Variants in RPH3A observed in about 807,000 individuals in gnomAD.
The protein encoded by RPH3A is rabphilin 3A, also known as rabphilin-3A.
In RPH3A, 48 loss-of-function variants were observed where a neutral mutation model predicts 102.2. That is an observed-to-expected ratio of 0.47 (90% confidence interval 0.37 to 0.60). RPH3A has a LOEUF of 0.60. RPH3A is among the 20% of genes least tolerant of loss of function. The pLI is 0.00. For missense variants in RPH3A, 781 were observed against 910.1 expected (o/e 0.86, Z 1.83); for synonymous variants, 310 against 324.3 (o/e 0.96, Z 0.47).
At chr12:112,776,142 A>G (rs2040963910) in intron 1 of RPH3A, among the ~76,000 whole-genome samples, 1 of 152,242 alleles carries the variant, frequency 6.6e-6, no homozygotes, top group Non-Finnish European at 1.5e-5. Flanking sequence ...CTTGGTTTCC[A>G]AATCATTTAA....
At chr12:112,852,927 G>A (rs1316734876) in intron 5 of RPH3A, among the ~76,000 whole-genome samples, 1 of 152,194 alleles carries the variant, frequency 6.6e-6, no homozygotes, top group Non-Finnish European at 1.5e-5. Flanking sequence ...GGGACTGGCA[G>A]TTGGGTGGCT....
At chr12:112,809,118 A>G (rs986406148) in intron 2 of RPH3A, among the ~76,000 whole-genome samples, 1 of 152,140 alleles carries the variant, frequency 6.6e-6, no homozygotes, top group African/African-American at 2.4e-5. Flanking sequence ...ACAGATCCTC[A>G]ATGTTGGCAT....
chr12:112,747,327 G>A (rs761481435), intron 1 of RPH3A, among the ~76,000 whole-genome samples: 5 of 152,132 alleles, frequency 3.3e-5, no homozygotes, highest in African/African-American at 7.2e-5. Flanking sequence ...ACCATGTGAG[G>A]ACACAGTGAA....
chr12:112,765,158 T>C (rs2040879520), intron 1 of RPH3A, among the ~76,000 whole-genome samples: 1 of 152,012 alleles, frequency 6.6e-6, no homozygotes, highest in Non-Finnish European at 1.5e-5. Context: ...TGGTCCCAGC[T>C]GGTCGTGGGG....
chr12:112,789,793 TACC>T (rs557658633), upstream of RPH3A, among the ~76,000 whole-genome samples: 488 of 147,084 alleles, frequency 3.3e-3, 5 homozygotes, highest in African/African-American at 0.011. Context: ...TGACAATTAC[TACC>T]ACCACCACCA....
chr12:112,841,057 G>A (rs1003480061), intron 4 of RPH3A, among the ~76,000 whole-genome samples: 2 of 150,946 alleles, frequency 1.3e-5, no homozygotes, highest in Non-Finnish European at 2.9e-5. Context: ...ATGAAGCCCT[G>A]TTAAGCTTGG....
intron 4 of RPH3A, among the ~76,000 whole-genome samples, chr12:112,842,697 C>T (rs755344949): frequency 3.9e-5 from 6 of 152,198 alleles, no homozygotes; most frequent in African/African-American, 7.2e-5. Context: ...ATGTGGAGTA[C>T]GTATCAGTTT....
intron 13 of RPH3A, among the ~76,000 whole-genome samples, chr12:112,877,387 G>A (rs923438400): frequency 1.4e-5 from 2 of 143,520 alleles, no homozygotes; most frequent in African/African-American, 5.5e-5. Flanking sequence ...AAGTCCCAGG[G>A]ATACGCACAC....
At chr12:112,812,638 A>G (rs1253218492) in intron 2 of RPH3A, among the ~76,000 whole-genome samples, 1 of 152,146 alleles carries the variant, frequency 6.6e-6, no homozygotes, top group Non-Finnish European at 1.5e-5. Context: ...CCCAGCTTGT[A>G]GAAAGTGTGT....
At chr12:112,621,523 G>C (rs1389475522) in intron 1 of RPH3A, among the ~76,000 whole-genome samples, 72 of 147,132 alleles carry the variant, frequency 4.9e-4, no homozygotes, top group Non-Finnish European at 8.9e-4. Context: ...GGCGCACCAC[G>C]AGACTATATC....
chr12:112,586,037 C>A (rs1414640008), intron 1 of RPH3A, among the ~76,000 whole-genome samples: 7 of 152,188 alleles, frequency 4.6e-5, no homozygotes, highest in Non-Finnish European at 5.9e-5. Flanking sequence ...CATATGATTA[C>A]TTTTCATATG....
chr12:112,883,798 G>T (rs1471350583), intron 16 of RPH3A, among the ~76,000 whole-genome samples: 1 of 152,154 alleles, frequency 6.6e-6, no homozygotes, highest in Non-Finnish European at 1.5e-5. Context: ...CTTCTACAGT[G>T]TTGAATTATT....
chr12:112,628,761 A>G (rs1024324200), intron 1 of RPH3A, among the ~76,000 whole-genome samples: 4 of 151,792 alleles, frequency 2.6e-5, no homozygotes, highest in Non-Finnish European at 5.9e-5. Flanking sequence ...ATTACAAAAA[A>G]CAAACAGAAG....
At chr12:112,814,309 A>C (rs548041517) in intron 2 of RPH3A, among the ~76,000 whole-genome samples, 1 of 152,174 alleles carries the variant, frequency 6.6e-6, no homozygotes, top group African/African-American at 2.4e-5. Context: ...AACCACATAT[A>C]AGAGAGAAGA....
intron 1 of RPH3A, among the ~76,000 whole-genome samples, chr12:112,581,321 A>G (rs905197933): frequency 6.6e-6 from 1 of 152,152 alleles, no homozygotes; most frequent in Non-Finnish European, 1.5e-5. Context: ...TTATAAAACC[A>G]TCAGACCTCG....
intron 1 of RPH3A, among the ~76,000 whole-genome samples, chr12:112,745,034 C>T (rs1040489583): frequency 6.6e-6 from 1 of 152,184 alleles, no homozygotes; most frequent in East Asian, 1.9e-4. Flanking sequence ...AGATCTAATC[C>T]AGGATTGTGC....
chr12:112,726,115 G>A (rs1406601920), intron 1 of RPH3A, among the ~76,000 whole-genome samples: 1 of 150,770 alleles, frequency 6.6e-6, no homozygotes, highest in East Asian at 2.0e-4. Flanking sequence ...GGGGGGTGGG[G>A]GGTGTACTGG....
In RPH3A at chr12:112,893,438, A is replaced by G. The variant is rs1366130452; in HGVS notation, c.1776-1140A>G. 3 of 152,254 alleles carry G rather than the reference A, an allele frequency of 2.0e-5. No homozygotes were observed. The East Asian group carries it at 5.8e-4, about 29-fold the overall frequency. The allele number at this position is 152,254 out of a possible 1,614,324, so 9.4% of individuals were successfully genotyped here. A position where few individuals can be genotyped will look rare whatever the true frequency, so the allele number is the denominator to read the frequency against. Reference sequence around the variant, plus strand: ...TGCTCCGCTGGTGACAACCTGAATCAGAATCCAAATGTCCCAGCCCTTAGG... The same window carrying G: ...TGCTCCGCTGGTGACAACCTGAATCGGAATCCAAATGTCCCAGCCCTTAGG... On this transcript the variant is annotated intron_variant, in intron 19 of 21. Coordinates refer to ENST00000389385, the MANE Select transcript of RPH3A (RefSeq NM_001143854.2).
chr12:112,894,122 C>CA, intron 19 of RPH3A: 31 of 177,466 alleles, frequency 1.7e-4, no homozygotes, highest in South Asian at 3.0e-4. Context: ...CTTCCCCTTT[C>CA]TGTGCATACA....
Sources: gnomAD v4.1 joint callset for allele counts (sites outside exome capture counted in the v4.1 genomes callset) on GRCh38, gnomAD v4.1.1 for gene constraint, MANE v1.5 for transcripts, NCBI Gene and HGNC (gene_info 2026-07-23, HGNC 2026-07-21) for gene names.